Variants in PSG5 observed in about 807,000 individuals in gnomAD.
The protein encoded by PSG5 is pregnancy-specific beta-1-glycoprotein 5.
In PSG5, 53 loss-of-function variants were observed where a neutral mutation model predicts 37.7. The ratio of observed to expected loss-of-function variants is 1.41; its 90% confidence interval spans 1.13 to 1.77. The LOEUF (loss-of-function observed/expected upper bound fraction) is 1.77. Ranked by LOEUF, PSG5 falls within the 40% of genes most tolerant of loss-of-function variation. PSG5 has a pLI of 0.00. For synonymous variants in PSG5, 221 were observed against 155.4 expected, an observed-to-expected ratio of 1.42 and a Z score of -3.14; for missense variants, 547 against 405.2, an observed-to-expected ratio of 1.35 and a Z score of -3.00.
chr19:43,169,253 G>C (rs1181058816), intron 5 of PSG5, among the ~76,000 whole-genome samples: 4 of 151,530 alleles, frequency 2.6e-5, no homozygotes, highest in East Asian at 1.9e-4. Flanking sequence ...ATTTCTGTAT[G>C]TTTTTTGAAC....
intron 5 of PSG5, 136 bp from the exon 6 acceptor site, chr19:43,168,339 A>T (rs1968830529): frequency 3.6e-6 from 1 of 278,388 alleles, no homozygotes; most frequent in Non-Finnish European, 6.8e-6. Flanking sequence ...GATTTCCAGA[A>T]ATTTCATATA....
rs1162395002 is a variant in PSG5 at position 43,176,174 on chromosome 19, G to T, written c.431-26C>A. On this transcript the variant is annotated intron_variant, in intron 2 of 5. Transcript: ENST00000342951. ...CTGTGTGGATAACAGAGAGAAGATT[G>T]TCCTGTGTGGCACCTTTGATTCCTC... is the stretch of plus-strand genomic sequence containing the variant. The T allele has an allele frequency of 1.9e-6, 3 of 1,608,202 alleles. No individual in the cohort carries two copies. In the African/African-American group the frequency reaches 4.0e-5, roughly 22 times the overall value.
intron 4 of PSG5, among the ~76,000 whole-genome samples, chr19:43,172,932 G>A (rs1968934123): frequency 2.0e-5 from 3 of 151,622 alleles, no homozygotes; most frequent in Admixed American, 1.3e-4. Context: ...TAGCTTTGAA[G>A]AGGAAGAATG....
intron 2 of PSG5, among the ~76,000 whole-genome samples, chr19:43,182,682 G>C (rs1465743346): frequency 1.7e-5 from 2 of 118,898 alleles, no homozygotes; most frequent in African/African-American, 6.4e-5. Context: ...AATCTTTCTT[G>C]ACTAGAAACC....
intron 2 of PSG5, among the ~76,000 whole-genome samples, chr19:43,183,954 CACCTG>C (rs1359949297): frequency 3.3e-5 from 5 of 151,558 alleles, no homozygotes; most frequent in Non-Finnish European, 5.9e-5. Context: ...ATGATTCAGT[CACCTG>C]ACCTAATGCT....
rs759631968 is a variant in PSG5, at chr19:43,175,323, G to T, written c.856C>A (p.Leu286Ile). ...TTTGTAGTAATTTGGGGGATAGAGA[G>T]CTTTTGTCCTGATTGCTGAAACTTC... ...NGKFQQSGQK[L>I]SIPQITTKHR... Residue 286 changes from leucine (L) to isoleucine (I), a missense_variant, in exon 4 of 6, where the codon CTC becomes ATC. Coordinates refer to ENST00000342951, the MANE Select transcript of PSG5 (RefSeq NM_002781.4). The T allele has an allele frequency of 6.2e-7, 1 of 1,612,828 alleles. No homozygotes were observed. Among genetic ancestry groups the T allele is most frequent in the Non-Finnish European group, 8.5e-7 (1 of 1,179,238 alleles).
At chr19:43,182,190 AG>A (rs1969142561) in intron 2 of PSG5, among the ~76,000 whole-genome samples, 1 of 151,696 alleles carries the variant, frequency 6.6e-6, no homozygotes, top group Admixed American at 6.6e-5. Context: ...TACTTTGCCC[AG>A]GGATGGCCTT....
rs1282153767 is a variant in PSG5, at chr19:43,170,316, AC to A, written c.965-179del. 19 of 720,724 alleles carry A rather than the reference AC, an allele frequency of 2.6e-5. No individual in the cohort carries two copies. The African/African-American group carries it at 3.0e-4, about 11-fold the overall frequency. 44.6% of individuals were successfully genotyped at this position (720,724 alleles called of 1,614,324 possible). On this transcript the variant is annotated intron_variant, in intron 4 of 5. Coordinates refer to ENST00000342951, the MANE Select transcript of PSG5 (RefSeq NM_002781.4). ...TCTTGCAGTTTTTTTTTTCCCTCTC[AC>A]CATGTTTCTAGGATGGTGATCAGTC...
rs560292072 is a variant in PSG5, at chr19:43,184,919, C to T, written c.293G>A (p.Arg98Gln). Residue 98 changes from arginine to glutamine, a missense_variant, in exon 2 of 6, where the codon CGA becomes CAA. Coordinates refer to ENST00000342951, the MANE Select transcript of PSG5 (RefSeq NM_002781.4). ...GGATGCATTGGAATATACTGTTTCT[C>T]GTCCAGTGTATGCAGGCCCATATAT... ...INIYGPAYTG[R>Q]ETVYSNASLL... 168 of 1,612,526 alleles carry T rather than the reference C, an allele frequency of 1.0e-4. 5 individuals carry two copies. Among genetic ancestry groups the T allele is most frequent in the Middle Eastern group, 3.3e-4 (2 of 6,056 alleles).
intron 2 of PSG5, among the ~76,000 whole-genome samples, chr19:43,176,396 A>G (rs1384609546): frequency 5.9e-5 from 9 of 151,600 alleles, no homozygotes; most frequent in African/African-American, 9.7e-5. Flanking sequence ...TTGGGTCATG[A>G]ACAGACACAT....
At chr19:43,182,877 A>G (rs1969159838) in intron 2 of PSG5, among the ~76,000 whole-genome samples, 1 of 146,448 alleles carries the variant, frequency 6.8e-6, no homozygotes, top group Admixed American at 6.8e-5. Flanking sequence ...TGACCTGGGA[A>G]CATTGGCTCG....
At chr19:43,182,578 T>C (rs1488186943) in intron 2 of PSG5, among the ~76,000 whole-genome samples, 1 of 151,210 alleles carries the variant, frequency 6.6e-6, no homozygotes, top group Non-Finnish European at 1.5e-5. Context: ...CCTGAAACTA[T>C]CCTTGAAAAT....
chr19:43,183,477 T>A (rs1243610678), intron 2 of PSG5: 2 of 528,790 alleles, frequency 3.8e-6, no homozygotes, highest in Admixed American at 1.9e-5. Context: ...AGGGTCTGAG[T>A]GGGGAAAGAA....
chr19:43,178,789 C>T, intron 2 of PSG5: 1 of 1,609,426 alleles, frequency 6.2e-7, no homozygotes, highest in Non-Finnish European at 8.5e-7. Flanking sequence ...GGTCTCTGTA[C>T]TTGGACCTGA....
chr19:43,171,856 T>C (rs1355402126), intron 4 of PSG5, among the ~76,000 whole-genome samples: 1 of 150,758 alleles, frequency 6.6e-6, no homozygotes, highest in Non-Finnish European at 1.5e-5. Context: ...CCTGTAGTCA[T>C]AGCATCTTGG....
rs12610809 is a variant in PSG5, at chr19:43,186,526, G to A, written c.-121C>T. On this transcript the variant is annotated 5_prime_UTR_variant, in exon 1 of 6. Transcript: ENST00000342951. ...TGTGCTGAGCCTCTCTCCAGGGCAG[G>A]AGCACTTCTCAGGCTCATGGGTGGG... 162,783 of 1,465,098 alleles carry A rather than the reference G, an allele frequency of 0.11. 12,990 individuals carry two copies. Among genetic ancestry groups the A allele is most frequent in the East Asian group, 0.38 (16,101 of 42,298 alleles). 90.8% of individuals were successfully genotyped at this position (1,465,098 alleles called of 1,614,324 possible). A position where few individuals can be genotyped will look rare whatever the true frequency, so the allele number is the denominator to read the frequency against.
In PSG5 at chr19:43,167,751, T is replaced by A. The variant is rs2190835; in HGVS notation, c.*493A>T. 0.075 allele frequency: 12,897 copies of A among 171,814 alleles called. 744 individuals carry two copies. The highest frequency in any genetic ancestry group is 0.1 in the African/African-American group (4,324 of 42,094). The allele number at this position is 171,814 out of a possible 1,614,324, so 10.6% of individuals were successfully genotyped here. ...AGAGAGCAGATCCTTACTGAACTTGTGCAGATAACTTTATTACCATAAACA... is the reference window on the plus strand; with the variant it reads ...AGAGAGCAGATCCTTACTGAACTTGAGCAGATAACTTTATTACCATAAACA... On this transcript the variant is annotated 3_prime_UTR_variant, in exon 6 of 6. Transcript: ENST00000342951.
At chr19:43,175,491 C>T (rs1365476683) in intron 3 of PSG5, 22 bp from the exon 4 acceptor site, 8 of 1,590,654 alleles carry the variant, frequency 5.0e-6, no homozygotes, top group African/African-American at 2.7e-5. Context: ...AGAATGAAGC[C>T]ACAGGTGATG....
chr19:43,175,333 T>C lies in PSG5; in HGVS notation c.846A>G (p.Ser282=), dbSNP rs760787213. 1 of 1,612,846 alleles carries C rather than the reference T, an allele frequency of 6.2e-7. No individual in the cohort carries two copies. The highest frequency in any genetic ancestry group is 8.5e-7 in the Non-Finnish European group (1 of 1,179,248). ...TTTGGGGGATAGAGAGCTTTTGTCC[T>C]GATTGCTGAAACTTCCCATTAATTG... is the stretch of plus-strand genomic sequence containing the variant. The part of the protein sequence containing the change: ...FWTINGKFQQ[S]GQKLSIPQIT... The change falls in exon 4 of 6, where the codon TCA becomes TCG. Residue 282 remains serine (S), a synonymous_variant. Coordinates refer to ENST00000342951, the MANE Select transcript of PSG5 (RefSeq NM_002781.4).
Sources: gnomAD v4.1 joint callset for allele counts (sites outside exome capture counted in the v4.1 genomes callset) on GRCh38, gnomAD v4.1.1 for gene constraint, MANE v1.5 for transcripts, NCBI Gene and HGNC (gene_info 2026-07-23, HGNC 2026-07-21) for gene names.